The following SGPL1 variants were observed in gnomAD, a reference collection of about 807,000 sequenced individuals.
SGPL1 encodes the protein SP-lyase 1.
In SGPL1, 37 loss-of-function variants were observed where a neutral mutation model predicts 68.9. The observed-to-expected ratio is 0.54, with a 90% CI of 0.41 to 0.71. The LOEUF (loss-of-function observed/expected upper bound fraction) is 0.71, where lower values mean the gene tolerates loss of function less well. Among genes scored for constraint, SGPL1 ranks in the 30% least tolerant of loss-of-function variants. The probability of loss-of-function intolerance (pLI) is 0.00; values close to 1 mark genes in which losing one functional copy is unlikely to be tolerated. For missense variants in SGPL1, 551 were observed against 704.6 expected (o/e 0.78, Z 2.47); for synonymous variants, 236 against 248.5 (o/e 0.95, Z 0.47).
intron 3 of SGPL1, among the ~76,000 whole-genome samples, chr10:70,848,613 T>TG (rs1056182159): frequency 6.6e-6 from 1 of 151,980 alleles, no homozygotes; most frequent in African/African-American, 2.4e-5. Flanking sequence ...TACAGGCGCG[T>TG]GCCATCACGC....
In SGPL1 at chr10:70,852,604, T is replaced by C. The variant is rs565413079; in HGVS notation, c.261+1394T>C. On this transcript the variant is annotated intron_variant, in intron 4 of 14. Transcript: ENST00000373202. The stretch of plus-strand genomic sequence containing the variant: ...AGAACCCACTCTTAAACTTAGAAAG[T>C]AACAGAATTGGAAGATCCTTAGCTT... Among the ~76,000 whole-genome samples, 74 of 152,280 alleles carry C rather than the reference T, an allele frequency of 4.9e-4. No individual in the cohort carries two copies. In the South Asian group the frequency reaches 0.015, roughly 31 times the overall value.
intron 6 of SGPL1, among the ~76,000 whole-genome samples, chr10:70,858,010 A>G (rs989746926): frequency 3.9e-5 from 6 of 152,232 alleles, no homozygotes; most frequent in African/African-American, 1.4e-4. Context: ...ATAAGAAGAG[A>G]TAAGATAGGG....
intron 4 of SGPL1, among the ~76,000 whole-genome samples, chr10:70,852,133 T>C (rs1279789929): frequency 6.6e-6 from 1 of 152,188 alleles, no homozygotes; most frequent in Non-Finnish European, 1.5e-5. Context: ...TGACCCCCCT[T>C]TGGTCTTTCC....
At position 70,876,677 on chromosome 10, in the gene SGPL1, G is replaced by GTT; in HGVS notation, c.1566+23_1566+24dup. The GTT allele has an allele frequency of 6.3e-7, 1 of 1,592,216 alleles. No homozygotes were observed. Among genetic ancestry groups the GTT allele is most frequent in the Non-Finnish European group, 8.6e-7 (1 of 1,169,492 alleles). ...CACAGGAATGGTAGGGACACTTGGAGTTTTTTTTCTTCTCTTGGAAATTTA... is the reference window on the plus strand; with the variant it reads ...CACAGGAATGGTAGGGACACTTGGAGTTTTTTTTTTCTTCTCTTGGAAATTTA... On this transcript the variant is annotated intron_variant, in intron 14 of 14. Transcript: ENST00000373202.
intron 4 of SGPL1, among the ~76,000 whole-genome samples, chr10:70,853,628 T>C (rs1001261321): frequency 2.0e-5 from 3 of 152,210 alleles, no homozygotes; most frequent in Non-Finnish European, 4.4e-5. Context: ...TTTTGTTCAC[T>C]ATGTGTCCCT....
chr10:70,870,038 G>A (rs1374852739), intron 9 of SGPL1, 141 bp downstream of exon 9: 3 of 587,686 alleles, frequency 5.1e-6, no homozygotes, highest in East Asian at 2.9e-5. Context: ...CATTGATAGT[G>A]GTGATTGACT....
intron 2 of SGPL1, among the ~76,000 whole-genome samples, chr10:70,822,792 ACT>A (rs1214005630): frequency 7.5e-6 from 1 of 133,150 alleles, no homozygotes; most frequent in Non-Finnish European, 1.6e-5. Flanking sequence ...AGCCATTATC[ACT>A]CTTTTTTTTT....
At chr10:70,850,225 G>C (rs1845857320) in intron 3 of SGPL1, among the ~76,000 whole-genome samples, 1 of 152,032 alleles carries the variant, frequency 6.6e-6, no homozygotes, top group Non-Finnish European at 1.5e-5. Flanking sequence ...GTGTTGCCCA[G>C]GCTGGTCTCA....
intron 2 of SGPL1, among the ~76,000 whole-genome samples, chr10:70,825,739 G>A (rs934086661): frequency 6.6e-6 from 1 of 152,144 alleles, no homozygotes; most frequent in Non-Finnish European, 1.5e-5. Flanking sequence ...TTCTCAGGGG[G>A]TTCTTTCCAC....
intron 2 of SGPL1, among the ~76,000 whole-genome samples, chr10:70,824,496 T>C (rs572985550): frequency 6.6e-6 from 1 of 152,334 alleles, no homozygotes. Context: ...ATTACAAAGA[T>C]TGAACTTCAT....
intron 14 of SGPL1, 66 bp from the exon 15 acceptor site, chr10:70,877,129 G>C: frequency 6.5e-7 from 1 of 1,542,996 alleles, no homozygotes; most frequent in South Asian, 1.1e-5. Context: ...GGGGCTCATT[G>C]CTGCAGTTTT....
chr10:70,851,271 A>G lies in SGPL1; in HGVS notation c.261+61A>G, dbSNP rs1447650172. 4 of 1,337,884 alleles carry G rather than the reference A, an allele frequency of 3.0e-6. No homozygotes were observed. In the African/African-American group the frequency reaches 4.3e-5, roughly 14 times the overall value. 82.9% of individuals were successfully genotyped at this position (1,337,884 alleles called of 1,614,324 possible). ...TTGATAATCATACCTCTTTCTTTCT[A>G]TTTACTAAACCTAATATTCTCAAAG... On this transcript the variant is annotated intron_variant, in intron 4 of 14. Coordinates refer to ENST00000373202, the MANE Select transcript of SGPL1 (RefSeq NM_003901.4).
intron 2 of SGPL1, among the ~76,000 whole-genome samples, chr10:70,841,936 C>A (rs1318664461): frequency 6.6e-6 from 1 of 152,096 alleles, no homozygotes; most frequent in Non-Finnish European, 1.5e-5. Flanking sequence ...GTCTGTCGAA[C>A]TTGAACTTGA....
chr10:70,861,189 A>G (rs1332989467), intron 7 of SGPL1, among the ~76,000 whole-genome samples: 1 of 152,128 alleles, frequency 6.6e-6, no homozygotes, highest in African/African-American at 2.4e-5. Flanking sequence ...TTATGGAACA[A>G]GACAGATTAA....
chr10:70,833,667 G>A (rs1037520993), intron 2 of SGPL1, among the ~76,000 whole-genome samples: 1 of 151,894 alleles, frequency 6.6e-6, no homozygotes, highest in South Asian at 2.1e-4. Flanking sequence ...TTTTTTTGGT[G>A]GGGGGGCAGA....
chr10:70,853,481 C>G (rs1454142778), intron 4 of SGPL1, among the ~76,000 whole-genome samples: 1 of 152,218 alleles, frequency 6.6e-6, no homozygotes, highest in Non-Finnish European at 1.5e-5. Flanking sequence ...CCCTGCCCTT[C>G]TGCCTCCTTA....
intron 2 of SGPL1, among the ~76,000 whole-genome samples, chr10:70,838,943 C>G (rs1161710531): frequency 2.0e-5 from 3 of 152,132 alleles, no homozygotes; most frequent in Non-Finnish European, 2.9e-5. Context: ...CAGTTTGAAA[C>G]TCAGTGGTCT....
chr10:70,819,652 A>T (rs1267849164), intron 2 of SGPL1, among the ~76,000 whole-genome samples: 1 of 133,320 alleles, frequency 7.5e-6, no homozygotes, highest in East Asian at 2.1e-4. Context: ...TTTTTTTGAG[A>T]CAAGGTCTCA....
Position 70,876,630 on chromosome 10 carries a change from TGAA to T in SGPL1, c.1539_1541del (p.Lys513del), listed in dbSNP as rs1245405373. 9 of 1,613,812 alleles carry T rather than the reference TGAA, an allele frequency of 5.6e-6. No homozygotes were observed. Among genetic ancestry groups the T allele is most frequent in the African/African-American group, 1.3e-5 (1 of 75,056 alleles). On this transcript the variant is annotated inframe_deletion, in exon 14 of 15. Coordinates refer to ENST00000373202, the MANE Select transcript of SGPL1 (RefSeq NM_003901.4). ...ATTCGAGAATCTGTCACTCAAATCA[TGAA>T]GAATCCTAAAGCGAAGACCACAGGA...
Sources: allele counts gnomAD v4.1 joint callset (sites outside exome capture counted in the v4.1 genomes callset), GRCh38; gene constraint gnomAD v4.1.1; transcripts MANE v1.5; gene names NCBI Gene and HGNC (gene_info 2026-07-23, HGNC 2026-07-21).